The following TIAM1 variants were observed in gnomAD, a reference collection of about 807,000 sequenced individuals.
TIAM1 encodes rho guanine nucleotide exchange factor TIAM1.
In TIAM1, 65 loss-of-function variants were observed where a neutral mutation model predicts 163.5. The observed-to-expected ratio is 0.40, with a 90% CI of 0.33 to 0.49. The LOEUF (loss-of-function observed/expected upper bound fraction) is 0.49, where lower values mean the gene tolerates loss of function less well. TIAM1 is among the 20% of genes least tolerant of loss of function. The pLI is 0.77. For missense variants in TIAM1, 1,789 were observed against 2,044.7 expected (o/e 0.87, Z 2.41); for synonymous variants, 833 against 810.1 (o/e 1.03, Z -0.48).
chr21:31,240,405 A>G (rs2071103986), intron 6 of TIAM1, among the ~76,000 whole-genome samples: 1 of 152,224 alleles, frequency 6.6e-6, no homozygotes, highest in Non-Finnish European at 1.5e-5. Flanking sequence ...AAGTTTTGTG[A>G]TATTTTAAAT....
At chr21:31,537,022 TC>T (rs1333156909) in intron 1 of TIAM1, among the ~76,000 whole-genome samples, 1 of 152,236 alleles carries the variant, frequency 6.6e-6, no homozygotes, top group African/African-American at 2.4e-5. Flanking sequence ...CTTCCTTGCC[TC>T]TTCCAACTTC....
chr21:31,184,862 T>C (rs1408544707), intron 14 of TIAM1, among the ~76,000 whole-genome samples: 1 of 152,164 alleles, frequency 6.6e-6, no homozygotes, highest in Admixed American at 6.6e-5. Context: ...ATCCTGACTT[T>C]ATTTCTCACT....
chr21:31,177,512 C>A (rs1252010285), intron 15 of TIAM1, among the ~76,000 whole-genome samples: 2 of 152,174 alleles, frequency 1.3e-5, no homozygotes, highest in African/African-American at 4.8e-5. Context: ...GAGGCTGAGG[C>A]AGGAGAATCA....
rs182865976 is a variant in TIAM1, at chr21:31,439,491, T to C, written c.-369+24492A>G. ...TTTTACTAGAGACAGTGTTTCACCA[T>C]GTTGGCCAGGCTGGTCTTGAACTCC... On this transcript the variant is annotated intron_variant, in intron 2 of 28. Coordinates refer to the TIAM1 transcript ENST00000286827. Among the ~76,000 whole-genome samples the C allele has an allele frequency of 4.1e-3, 626 of 152,346 alleles. 4 individuals are homozygous for C. The highest frequency in any genetic ancestry group is 7.2e-3 in the Non-Finnish European group (488 of 68,036).
intron 13 of TIAM1, among the ~76,000 whole-genome samples, chr21:31,189,044 C>CTTTTTTTTTTTTTTTT (rs58786753): frequency 1.4e-5 from 1 of 70,070 alleles, no homozygotes; most frequent in African/African-American, 5.7e-5. Context: ...TCCATTCCCT[C>CTTTTTTTTTTTTTTTT]TTTTTTTTTT....
In TIAM1 at chr21:31,266,438, C is replaced by A. The variant is rs1040489748; in HGVS notation, c.535G>T (p.Asp179Tyr). The A allele has an allele frequency of 6.2e-7, 1 of 1,614,072 alleles. No homozygotes were observed. Among genetic ancestry groups the A allele is most frequent in the South Asian group, 1.1e-5 (1 of 91,090 alleles). ...TCAGAGAGTGAGAATTCCAGGCTGTCCTCCCGCCAGATGTCTGCAGATTTG... is the reference window on the plus strand; with the variant it reads ...TCAGAGAGTGAGAATTCCAGGCTGTACTCCCGCCAGATGTCTGCAGATTTG... ...RSKSADIWRE[D>Y]SLEFSLSDLS... Residue 179 changes from aspartate (D) to tyrosine (Y), a missense_variant, in exon 4 of 28, where the codon GAC becomes TAC. Physicochemically the swap from Asp to Tyr is radical, Grantham distance 160. This residue lies in a region of TIAM1 where 555 missense variants were observed against 564.9 expected (regional missense o/e 0.98). Coordinates refer to ENST00000541036, the MANE Select transcript of TIAM1 (RefSeq NM_001353694.2).
chr21:31,147,265 G>A (rs1420611319), intron 19 of TIAM1, among the ~76,000 whole-genome samples: 2 of 152,100 alleles, frequency 1.3e-5, no homozygotes, highest in African/African-American at 4.8e-5. Context: ...CCAGGTCTGT[G>A]TCTTTTAATA....
intron 2 of TIAM1, among the ~76,000 whole-genome samples, chr21:31,447,381 A>G (rs759111558): frequency 3.3e-5 from 5 of 152,124 alleles, no homozygotes; most frequent in Non-Finnish European, 7.3e-5. Context: ...GCCTGCAGTG[A>G]GCTGTGTTCA....
At chr21:31,438,645 T>TCCC (rs1277519148) in intron 2 of TIAM1, among the ~76,000 whole-genome samples, 1 of 152,152 alleles carries the variant, frequency 6.6e-6, no homozygotes, top group Admixed American at 6.6e-5. Context: ...TCCTGCTCTC[T>TCCC]CCCCCAAGTC....
chr21:31,131,080 C>T (rs1434645607), intron 23 of TIAM1, 132 bp from the exon 24 acceptor site: 1 of 658,706 alleles, frequency 1.5e-6, no homozygotes, highest in Non-Finnish European at 2.6e-6. Context: ...GACTCCCACC[C>T]ACCTTCCATT....
chr21:31,529,321 G>T (rs954764860), intron 1 of TIAM1, among the ~76,000 whole-genome samples: 12 of 152,088 alleles, frequency 7.9e-5, no homozygotes, highest in Non-Finnish European at 2.9e-5. Context: ...CATCCTATTA[G>T]GTTGGGGAGA....
intron 1 of TIAM1, among the ~76,000 whole-genome samples, chr21:31,526,513 A>T (rs2147507069): frequency 1.3e-5 from 2 of 152,294 alleles, no homozygotes; most frequent in South Asian, 4.1e-4. Flanking sequence ...AATCACTTGG[A>T]GAGGAAATCT....
chr21:31,190,280 C>A (rs753828408), intron 13 of TIAM1, among the ~76,000 whole-genome samples: 1 of 152,006 alleles, frequency 6.6e-6, no homozygotes, highest in African/African-American at 2.4e-5. Context: ...CATGGTGGCA[C>A]GTGCCTTGTA....
At chr21:31,163,433 T>C (rs2084031621) in intron 16 of TIAM1, among the ~76,000 whole-genome samples, 1 of 152,212 alleles carries the variant, frequency 6.6e-6, no homozygotes, top group Admixed American at 6.5e-5. Flanking sequence ...TTTCCAATGA[T>C]CTGCTTTTTA....
At chr21:31,208,720 C>T (rs1261071223) in intron 11 of TIAM1, among the ~76,000 whole-genome samples, 17 of 152,168 alleles carry the variant, frequency 1.1e-4, no homozygotes, top group Non-Finnish European at 2.9e-5. Context: ...GCTGAACTGT[C>T]CATTTCTCTG....
chr21:31,388,295 G>A (rs2076913540), intron 2 of TIAM1, among the ~76,000 whole-genome samples: 1 of 148,794 alleles, frequency 6.7e-6, no homozygotes, highest in Non-Finnish European at 1.5e-5. Context: ...TGATAAAGAA[G>A]GGTACAAATG....
chr21:31,305,322 T>G lies in TIAM1; in HGVS notation c.-188-28414A>C, dbSNP rs557544731. ...TAGATGATACCGAATAAGCGATTGG[T>G]TCTACAACTGGCCAAAAAGGCTGGA... is the stretch of plus-strand genomic sequence containing the variant. On this transcript the variant is annotated intron_variant, in intron 2 of 27. Coordinates refer to ENST00000541036, the MANE Select transcript of TIAM1 (RefSeq NM_001353694.2). 4.6e-5 allele frequency among the ~76,000 whole-genome samples: 7 copies of G among 152,158 alleles called. No individual in the cohort carries two copies. In the South Asian group the frequency reaches 1.5e-3, roughly 32 times the overall value.
intron 2 of TIAM1, among the ~76,000 whole-genome samples, chr21:31,412,974 G>C (rs2043252404): frequency 6.6e-6 from 1 of 152,058 alleles, no homozygotes; most frequent in Admixed American, 6.6e-5. Flanking sequence ...ACAGACCATA[G>C]ACAGGTACTG....
At chr21:31,412,442 C>T (rs1053392931) in intron 2 of TIAM1, among the ~76,000 whole-genome samples, 47 of 151,956 alleles carry the variant, frequency 3.1e-4, no homozygotes, top group African/African-American at 1.1e-3. Flanking sequence ...GGGATGGTTT[C>T]GGGATGAAAC....
Sources: allele counts gnomAD v4.1 joint callset (sites outside exome capture counted in the v4.1 genomes callset), GRCh38; gene constraint gnomAD v4.1.1; regional missense constraint gnomAD v4.1.1; transcripts MANE v1.5; gene names NCBI Gene and HGNC (gene_info 2026-07-23, HGNC 2026-07-21).